The following RAD54B variants were observed in gnomAD, a reference collection of about 807,000 sequenced individuals.
RAD54B encodes DNA repair and recombination protein RAD54B.
RAD54B carries 78 observed loss-of-function variants against 95.8 expected under a neutral mutation model. The observed-to-expected ratio is 0.81, with a 90% CI of 0.68 to 0.98. The LOEUF (loss-of-function observed/expected upper bound fraction) is 0.98. RAD54B is among the 50% of genes least tolerant of loss of function. RAD54B has a pLI of 0.00. For synonymous variants in RAD54B, 328 were observed against 354.9 expected (o/e 0.92, Z 0.85); for missense variants, 957 against 1,056.6 (o/e 0.91, Z 1.31).
At position 94,434,801 on chromosome 8, in the gene RAD54B, C is replaced by T. The variant is rs1300449122; in HGVS notation, c.304+23467G>A. ...TTTCTTATATTCTTCCCTTTAAAAC[C>T]TAACAAATTGGTATTATTTAAGCCA... On this transcript the variant is annotated intron_variant, in intron 3 of 14. Coordinates refer to ENST00000336148, the MANE Select transcript of RAD54B (RefSeq NM_012415.3). Among the ~76,000 whole-genome samples, 4 of 151,162 alleles carry T rather than the reference C, an allele frequency of 2.6e-5. No individual in the cohort carries two copies. In the South Asian group the frequency reaches 8.3e-4, roughly 32 times the overall value.
intron 3 of RAD54B, among the ~76,000 whole-genome samples, chr8:94,445,731 A>C (rs1057310353): frequency 4.0e-5 from 6 of 151,858 alleles, no homozygotes; most frequent in Admixed American, 3.3e-4. Context: ...GGGCCTCACT[A>C]TGTTGCCCAG....
At chr8:94,383,184 C>T (rs751151162) in intron 11 of RAD54B, among the ~76,000 whole-genome samples, 3 of 148,144 alleles carry the variant, frequency 2.0e-5, no homozygotes, top group Non-Finnish European at 4.4e-5. Context: ...ACTCGAGAGG[C>T]CAAAGCACGA....
chr8:94,428,644 T>C (rs985207755), intron 3 of RAD54B: 2 of 713,570 alleles, frequency 2.8e-6, no homozygotes, highest in Non-Finnish European at 3.4e-6. Context: ...TTTTTATTGT[T>C]GTACTGTTAT....
At chr8:94,424,818 T>C (rs1811902876) in intron 3 of RAD54B, among the ~76,000 whole-genome samples, 3 of 152,098 alleles carry the variant, frequency 2.0e-5, no homozygotes, top group Admixed American at 2.0e-4. Flanking sequence ...TCCCAGCACT[T>C]TGCGGGGCCA....
rs908068791 is a variant in RAD54B at position 94,371,999 on chromosome 8, CTT to C, written c.*169_*170del. ...CACATCTTTATTTTTCATTTAAACA[CTT>C]AATATTTACAAAACATTAAACCACT... On this transcript the variant is annotated 3_prime_UTR_variant, in exon 15 of 15. Coordinates refer to ENST00000336148, the MANE Select transcript of RAD54B (RefSeq NM_012415.3). The C allele has an allele frequency of 1.2e-4, 130 of 1,129,146 alleles. No homozygotes were observed. The African/African-American group carries it at 1.8e-3, about 15-fold the overall frequency. 69.9% of individuals were successfully genotyped at this position (1,129,146 alleles called of 1,614,324 possible).
In RAD54B at chr8:94,459,619, G is replaced by T. The variant is rs940948729; in HGVS notation, c.136-1183C>A. ...TCACGCCTGTAATCCCAGCACTTTG[G>T]GAGGCCAAGGCAGGTGGATCACTTG... On this transcript the variant is annotated intron_variant, in intron 2 of 14. Coordinates refer to ENST00000336148, the MANE Select transcript of RAD54B (RefSeq NM_012415.3). Among the ~76,000 whole-genome samples the T allele has an allele frequency of 6.6e-5, 10 of 151,604 alleles. No homozygotes were observed. The South Asian group carries it at 2.1e-3, about 32-fold the overall frequency.
At chr8:94,386,576 T>TTGTGTG (rs764988413) in intron 11 of RAD54B, among the ~76,000 whole-genome samples, 1 of 138,482 alleles carries the variant, frequency 7.2e-6, no homozygotes, top group Admixed American at 7.5e-5. Context: ...CATGGTATGG[T>TTGTGTG]TGTGTGTGTG....
chr8:94,442,524 G>A (rs1031025913), intron 3 of RAD54B, among the ~76,000 whole-genome samples: 14 of 149,070 alleles, frequency 9.4e-5, no homozygotes, highest in East Asian at 2.0e-4. Flanking sequence ...GCAGTGAGCC[G>A]AGATCGCGCC....
intron 2 of RAD54B, among the ~76,000 whole-genome samples, chr8:94,463,814 T>G (rs541506745): frequency 6.9e-6 from 1 of 145,536 alleles, no homozygotes; most frequent in East Asian, 2.0e-4. Context: ...ACTTAGGAGA[T>G]GGAGGTGGGA....
chr8:94,400,963 T>C (rs1003577297), intron 6 of RAD54B, among the ~76,000 whole-genome samples: 1 of 152,182 alleles, frequency 6.6e-6, no homozygotes, highest in African/African-American at 2.4e-5. Flanking sequence ...AAACACTTGA[T>C]ATAATACATA....
chr8:94,399,566 CTGA>C lies in RAD54B; in HGVS notation c.1223_1225del (p.Ile408del). 1 of 1,612,770 alleles carries C rather than the reference CTGA, an allele frequency of 6.2e-7. No homozygotes were observed. Among genetic ancestry groups the C allele is most frequent in the Non-Finnish European group, 8.5e-7 (1 of 1,179,342 alleles). ...CAGGGAACGAAGTAACATTTCATAA[CTGA>C]TAATAAGAACAGAATAAAATATAGA... is the stretch of plus-strand genomic sequence containing the variant. On this transcript the variant is annotated inframe_deletion, in exon 8 of 15. Coordinates refer to ENST00000336148, the MANE Select transcript of RAD54B (RefSeq NM_012415.3).
intron 8 of RAD54B, among the ~76,000 whole-genome samples, chr8:94,394,724 A>G (rs1175463939): frequency 1.3e-5 from 2 of 152,348 alleles, no homozygotes; most frequent in African/African-American, 4.8e-5. Flanking sequence ...GAACATATAA[A>G]TCAGCACAAA....
intron 3 of RAD54B, among the ~76,000 whole-genome samples, chr8:94,413,564 G>T (rs532262891): frequency 1.3e-5 from 2 of 152,158 alleles, no homozygotes; most frequent in South Asian, 4.1e-4. Context: ...ATGAATGATA[G>T]ACCTAAATGT....
At chr8:94,413,146 G>A (rs912965402) in intron 3 of RAD54B, among the ~76,000 whole-genome samples, 6 of 152,032 alleles carry the variant, frequency 3.9e-5, no homozygotes, top group Admixed American at 2.0e-4. Flanking sequence ...TCCCCAAAAC[G>A]ATCAATATAT....
chr8:94,391,533 C>T, intron 10 of RAD54B, 76 bp downstream of exon 10: 1 of 1,419,920 alleles, frequency 7.0e-7, no homozygotes. Context: ...CAGAAATTAG[C>T]CCTGTCTGCC....
chr8:94,434,415 T>C (rs994469604), intron 3 of RAD54B, among the ~76,000 whole-genome samples: 1 of 151,808 alleles, frequency 6.6e-6, no homozygotes, highest in African/African-American at 2.4e-5. Flanking sequence ...ACTTTGAAGA[T>C]CAGTTTACAA....
intron 3 of RAD54B, chr8:94,436,424 T>G: frequency 6.9e-7 from 1 of 1,449,450 alleles, no homozygotes; most frequent in Non-Finnish European, 9.0e-7. Flanking sequence ...CATATCTCTA[T>G]CACGACTAAG....
chr8:94,413,404 C>T (rs939758614), intron 3 of RAD54B, among the ~76,000 whole-genome samples: 2 of 152,070 alleles, frequency 1.3e-5, no homozygotes, highest in Non-Finnish European at 2.9e-5. Context: ...CACACATATA[C>T]GGCGAAATTA....
At chr8:94,454,386 C>T (rs762245679) in intron 3 of RAD54B, among the ~76,000 whole-genome samples, 5 of 151,998 alleles carry the variant, frequency 3.3e-5, no homozygotes, top group Admixed American at 1.3e-4. Flanking sequence ...CTAAATGCCA[C>T]TTAATTGTAT....
Sources: gnomAD v4.1 joint callset for allele counts (sites outside exome capture counted in the v4.1 genomes callset) on GRCh38, gnomAD v4.1.1 for gene constraint, MANE v1.5 for transcripts, NCBI Gene and HGNC (gene_info 2026-07-23, HGNC 2026-07-21) for gene names.